Variants in LDLRAD4 observed in about 807,000 individuals in gnomAD.
LDLRAD4 encodes low-density lipoprotein receptor class A domain-containing protein 4.
Under a neutral mutation model 17.0 loss-of-function variants are expected in LDLRAD4, and 5 were observed. The ratio of observed to expected loss-of-function variants is 0.29; its 90% CI spans 0.15 to 0.62. LDLRAD4 has a LOEUF of 0.62. LDLRAD4 is among the 20% of genes least tolerant of loss of function. The pLI is 0.84. For missense variants in LDLRAD4, 340 were observed against 424.7 expected (o/e 0.80, Z 1.75); for synonymous variants, 168 against 171.8 (o/e 0.98, Z 0.17).
At chr18:13,262,197 C>A (rs1260918966) in intron 1 of LDLRAD4, among the ~76,000 whole-genome samples, 28 of 128,964 alleles carry the variant, frequency 2.2e-4, no homozygotes, top group African/African-American at 8.5e-4. Flanking sequence ...TGCATGGAAA[C>A]TGAGTCCCGT....
chr18:13,230,626 CAG>C (rs538870121), intron 1 of LDLRAD4, among the ~76,000 whole-genome samples: 66 of 118,382 alleles, frequency 5.6e-4, no homozygotes, highest in East Asian at 5.1e-3. Context: ...TATGTTAAGA[CAG>C]GGGGAGGGCA....
At chr18:13,582,255 G>T (rs139349095) in intron 3 of LDLRAD4, among the ~76,000 whole-genome samples, 4 of 152,376 alleles carry the variant, frequency 2.6e-5, no homozygotes, top group African/African-American at 9.6e-5. Flanking sequence ...CCTTTGAATG[G>T]CCTAAAAGGG....
intron 2 of LDLRAD4, among the ~76,000 whole-genome samples, chr18:13,405,319 T>G (rs2087629358): frequency 6.6e-6 from 1 of 152,160 alleles, no homozygotes; most frequent in Non-Finnish European, 1.5e-5. Flanking sequence ...GTGGCAGAGT[T>G]GGACTTTCTA....
At chr18:13,651,647 A>G (rs2043251077) in exon 6 of LDLRAD4, 1 of 152,224 alleles carries the variant, frequency 6.6e-6, no homozygotes, top group African/African-American at 2.4e-5. Flanking sequence ...AAGAACAAGA[A>G]AAGTTTATAA....
At chr18:13,623,378 T>C (rs1487357054) in intron 4 of LDLRAD4, among the ~76,000 whole-genome samples, 1 of 152,226 alleles carries the variant, frequency 6.6e-6, no homozygotes, top group Non-Finnish European at 1.5e-5. Flanking sequence ...GTTTTGTTAA[T>C]GTGCACATAC....
chr18:13,637,631 C>T (rs2042186460), intron 4 of LDLRAD4, among the ~76,000 whole-genome samples: 1 of 151,852 alleles, frequency 6.6e-6, no homozygotes, highest in South Asian at 2.1e-4. Flanking sequence ...TTTGGGAGGC[C>T]GAGGCGGGTG....
chr18:13,295,698 A>G (rs2046233697), intron 1 of LDLRAD4, among the ~76,000 whole-genome samples: 1 of 152,272 alleles, frequency 6.6e-6, no homozygotes, highest in Non-Finnish European at 1.5e-5. Context: ...TTCAGGGAAT[A>G]CATATTCTTG....
intron 1 of LDLRAD4, chr18:13,278,422 G>C (rs936881280): frequency 3.9e-5 from 6 of 152,266 alleles, no homozygotes; most frequent in Non-Finnish European, 1.5e-5. Flanking sequence ...GCCCTGGTGG[G>C]GGACAGTCAG....
chr18:13,612,163 G>T, intron 3 of LDLRAD4: 4 of 986,770 alleles, frequency 4.1e-6, no homozygotes, highest in Non-Finnish European at 4.8e-6. Flanking sequence ...TTTCTGTCTG[G>T]ACTGGTTTGA....
intron 1 of LDLRAD4, among the ~76,000 whole-genome samples, chr18:13,245,058 C>T (rs559321734): frequency 3.3e-5 from 5 of 152,144 alleles, no homozygotes; most frequent in African/African-American, 1.2e-4. Context: ...TCGACTGCAC[C>T]CTCTGTTTGG....
At chr18:13,489,126 T>C (rs2093303637) in intron 3 of LDLRAD4, 1 of 151,978 alleles carries the variant, frequency 6.6e-6, no homozygotes, top group African/African-American at 2.4e-5. Context: ...TGGAGATTTA[T>C]TGGAATTGTG....
chr18:13,226,871 T>G (rs1053802853), intron 1 of LDLRAD4, among the ~76,000 whole-genome samples: 1 of 152,202 alleles, frequency 6.6e-6, no homozygotes, highest in African/African-American at 2.4e-5. Context: ...TCCCCCAGCC[T>G]CCTCATCCTC....
chr18:13,230,238 TCCA>T lies in LDLRAD4; in HGVS notation c.-467+11254_-467+11256del, dbSNP rs1567911097. Among the ~76,000 whole-genome samples the T allele has an allele frequency of 9.9e-5, 15 of 152,278 alleles. No individual in the cohort carries two copies. The South Asian group carries it at 2.9e-3, about 29-fold the overall frequency. Reference sequence around the variant, plus strand: ...CGGCACCTTGATCTTGGACGTCCCATCCACCAGAACTAGGAGCAACACATTTTT... The same window carrying T: ...CGGCACCTTGATCTTGGACGTCCCATCCAGAACTAGGAGCAACACATTTTT... On this transcript the variant is annotated intron_variant, in intron 1 of 5. Coordinates refer to the LDLRAD4 transcript ENST00000399848.
chr18:13,450,964 T>C (rs533918716), intron 3 of LDLRAD4, among the ~76,000 whole-genome samples: 28 of 152,172 alleles, frequency 1.8e-4, no homozygotes, highest in Non-Finnish European at 3.8e-4. Context: ...TCAGGCCAGA[T>C]CGCTTTCATT....
intron 3 of LDLRAD4, among the ~76,000 whole-genome samples, chr18:13,470,402 T>C (rs1326391231): frequency 6.6e-6 from 1 of 151,724 alleles, no homozygotes; most frequent in Non-Finnish European, 1.5e-5. Context: ...TACTGTCAGG[T>C]TGAGATGTGG....
intron 1 of LDLRAD4, among the ~76,000 whole-genome samples, chr18:13,338,175 CA>C (rs1334528765): frequency 1.3e-5 from 2 of 152,216 alleles, no homozygotes; most frequent in African/African-American, 4.8e-5. Context: ...GCCTTGCTCA[CA>C]ACTTCTCTGA....
At chr18:13,282,665 T>A (rs1410606075) in intron 1 of LDLRAD4, among the ~76,000 whole-genome samples, 1 of 152,212 alleles carries the variant, frequency 6.6e-6, no homozygotes, top group African/African-American at 2.4e-5. Flanking sequence ...TCCTGGCTGC[T>A]TGCACATGCT....
rs117706336 is a variant in LDLRAD4 at position 13,359,877 on chromosome 18, T to C, written c.-382-27464T>C. 4.8e-4 allele frequency among the ~76,000 whole-genome samples: 73 copies of C among 152,366 alleles called. No homozygotes were observed. In the East Asian group the frequency reaches 0.01, roughly 21 times the overall value. On this transcript the variant is annotated intron_variant, in intron 1 of 5. Transcript: ENST00000359446. ...GCCTCCAACCTGCTTTGCCCTCAGA[T>C]GACGCTGTTCTTGGCTTATGTGTTT...
At chr18:13,557,739 A>G (rs1030040940) in intron 3 of LDLRAD4, among the ~76,000 whole-genome samples, 8 of 152,220 alleles carry the variant, frequency 5.3e-5, no homozygotes, top group African/African-American at 1.9e-4. Context: ...AATTGTTAAG[A>G]AGTGAGCTAA....
Sources: gnomAD v4.1 joint callset for allele counts (sites outside exome capture counted in the v4.1 genomes callset) on GRCh38, gnomAD v4.1.1 for gene constraint, MANE v1.5 for transcripts, NCBI Gene and HGNC (gene_info 2026-07-23, HGNC 2026-07-21) for gene names.